ARNT: variants seen among roughly 807,000 people sequenced by gnomAD.
ARNT encodes the protein aryl hydrocarbon receptor nuclear translocator, also known as class E basic helix-loop-helix protein 2.
ARNT carries 30 observed loss-of-function variants against 105.0 expected under a neutral mutation model. The ratio of observed to expected loss-of-function variants is 0.29; its 90% CI spans 0.21 to 0.39. The LOEUF (loss-of-function observed/expected upper bound fraction) is 0.39, where lower values mean the gene tolerates loss of function less well. ARNT is among the 10% of genes least tolerant of loss of function. ARNT has a pLI of 1.00. For synonymous variants in ARNT, 304 were observed against 344.0 expected, an observed-to-expected ratio of 0.88 and a Z score of 1.29; for missense variants, 748 against 978.7, an observed-to-expected ratio of 0.76 and a Z score of 3.15.
At position 150,810,439 on chromosome 1, in the gene ARNT, A is replaced by G. The variant is rs1442463165; in HGVS notation, c.*1582T>C. 2 of 222,636 alleles carry G rather than the reference A, an allele frequency of 9.0e-6. No individual in the cohort carries two copies. Among genetic ancestry groups the G allele is most frequent in the Non-Finnish European group, 1.8e-5 (2 of 111,124 alleles). 13.8% of individuals were successfully genotyped at this position (222,636 alleles called of 1,614,324 possible). On this transcript the variant is annotated 3_prime_UTR_variant, in exon 22 of 22. Coordinates refer to ENST00000358595, the MANE Select transcript of ARNT (RefSeq NM_001668.4). Reference sequence around the variant, plus strand: ...TATACTGTAAGTGTGCACATAGAATAAAAAAATAAACTGTCTCCTTTTTTA... The same window carrying G: ...TATACTGTAAGTGTGCACATAGAATGAAAAAATAAACTGTCTCCTTTTTTA...
At chr1:150,826,476 A>G in intron 13 of ARNT, 67 bp downstream of exon 13, 1 of 1,267,826 alleles carries the variant, frequency 7.9e-7, no homozygotes, top group South Asian at 1.2e-5. Context: ...TCAGTTAATC[A>G]GTAGTCAATA....
At chr1:150,850,384 T>C (rs894623690) in intron 3 of ARNT, among the ~76,000 whole-genome samples, 9 of 152,344 alleles carry the variant, frequency 5.9e-5, no homozygotes, top group Admixed American at 3.9e-4. Context: ...CCTCCCTGCC[T>C]GATTCTCCTG....
intron 5 of ARNT, among the ~76,000 whole-genome samples, chr1:150,841,302 A>G (rs1350698936): frequency 6.6e-6 from 1 of 151,596 alleles, no homozygotes; most frequent in East Asian, 1.9e-4. Context: ...CTACTTGAAC[A>G]AAAGTTCTTT....
intron 3 of ARNT, among the ~76,000 whole-genome samples, chr1:150,851,174 C>A (rs1326746574): frequency 8.6e-5 from 13 of 150,636 alleles, no homozygotes; most frequent in Non-Finnish European, 1.5e-4. Context: ...GCCTGGCCAG[C>A]CACCCCGTCC....
chr1:150,826,973 A>C (rs1485164224), intron 12 of ARNT, among the ~76,000 whole-genome samples: 3 of 151,896 alleles, frequency 2.0e-5, no homozygotes, highest in African/African-American at 7.3e-5. Context: ...TGGTCATCTA[A>C]CTGGCCTGGT....
intron 3 of ARNT, among the ~76,000 whole-genome samples, chr1:150,849,705 G>C (rs964121892): frequency 9.2e-5 from 14 of 152,296 alleles, no homozygotes; most frequent in African/African-American, 3.1e-4. Context: ...CGAGGCTGTA[G>C]TGAGCCGAGA....
At chr1:150,840,697 G>A (rs1301086703) in intron 5 of ARNT, among the ~76,000 whole-genome samples, 1 of 152,156 alleles carries the variant, frequency 6.6e-6, no homozygotes, top group Non-Finnish European at 1.5e-5. Context: ...AGAGGAGGAT[G>A]ATTAAAGGTC....
Position 150,810,811 on chromosome 1 carries a change from A to C in ARNT, c.*1210T>G, listed in dbSNP as rs1654588028. ...TATGATACTTGCACTCTAAAGCAAA[A>C]CCCAATCTCAAGATTGGAGGGAGCA... On this transcript the variant is annotated 3_prime_UTR_variant, in exon 22 of 22. Coordinates refer to ENST00000358595, the MANE Select transcript of ARNT (RefSeq NM_001668.4). 4.5e-6 allele frequency: 1 copy of C among 221,604 alleles called. No individual in the cohort carries two copies. The highest frequency in any genetic ancestry group is 9.1e-6 in the Non-Finnish European group (1 of 110,234). The allele number at this position is 221,604 out of a possible 1,614,324, so 13.7% of individuals were successfully genotyped here. A position where few individuals can be genotyped will look rare whatever the true frequency, so the allele number is the denominator to read the frequency against.
intron 1 of ARNT, among the ~76,000 whole-genome samples, chr1:150,867,040 T>TA (rs1192909788): frequency 1.3e-5 from 2 of 151,410 alleles, no homozygotes; most frequent in African/African-American, 4.9e-5. Context: ...ACCCCATCTC[T>TA]ACTAAAGATA....
rs369904882 is a variant in ARNT, at chr1:150,816,235, G to A, written c.1950+24C>T. 25 of 1,587,722 alleles carry A rather than the reference G, an allele frequency of 1.6e-5. No individual in the cohort carries two copies. The African/African-American group carries it at 3.2e-4, about 20-fold the overall frequency. ...AAACAAACAAAAAATAATACACAGG[G>A]AACACACAGATGATAAGTTTTACCT... On this transcript the variant is annotated intron_variant, in intron 19 of 21. Transcript: ENST00000358595.
rs1557832270 is a variant in ARNT, at chr1:150,809,910, A to AG, written c.*2110dup. 2.2e-5 allele frequency: 5 copies of AG among 223,828 alleles called. No individual in the cohort carries two copies. The highest frequency in any genetic ancestry group is 6.7e-5 in the African/African-American group (3 of 44,844). 13.9% of individuals were successfully genotyped at this position (223,828 alleles called of 1,614,324 possible). A position where few individuals can be genotyped will look rare whatever the true frequency, so the allele number is the denominator to read the frequency against. ...TGTGTCAGGATCAGGAGGACAAGTG[A>AG]GGGGGGAGGCGTGCAATGTGATCAG... On this transcript the variant is annotated 3_prime_UTR_variant, in exon 22 of 22. Transcript: ENST00000358595.
At chr1:150,829,478 C>A (rs1371654214) in intron 11 of ARNT, 2 of 593,748 alleles carry the variant, frequency 3.4e-6, no homozygotes, top group Non-Finnish European at 6.1e-6. Flanking sequence ...AATCTAAAAT[C>A]CACATACTGG....
At chr1:150,844,064 T>C (rs1280958702) in intron 4 of ARNT, among the ~76,000 whole-genome samples, 1 of 152,220 alleles carries the variant, frequency 6.6e-6, no homozygotes, top group African/African-American at 2.4e-5. Context: ...TTTTGAAATT[T>C]CATCAAGATA....
chr1:150,874,356 G>A (rs587733526), intron 1 of ARNT, among the ~76,000 whole-genome samples: 1 of 152,228 alleles, frequency 6.6e-6, no homozygotes, highest in African/African-American at 2.4e-5. Context: ...ACTGAACATG[G>A]GATCAATAAG....
At chr1:150,863,689 C>T (rs987597729) in intron 1 of ARNT, among the ~76,000 whole-genome samples, 3 of 151,598 alleles carry the variant, frequency 2.0e-5, no homozygotes. Flanking sequence ...AATTACCAGG[C>T]GCCTGTAATC....
chr1:150,860,737 T>A (rs1419528904), intron 1 of ARNT, among the ~76,000 whole-genome samples: 2 of 151,428 alleles, frequency 1.3e-5, no homozygotes, highest in African/African-American at 4.9e-5. Flanking sequence ...GCACCTGTAA[T>A]CCCAGCTACT....
chr1:150,815,553 G>GAA (rs1269872697), intron 19 of ARNT, among the ~76,000 whole-genome samples: 2 of 82,706 alleles, frequency 2.4e-5, no homozygotes, highest in Non-Finnish European at 5.0e-5. Context: ...TCTGTCTCAA[G>GAA]AAAAAAAAAA....
At chr1:150,831,084 A>G (rs1659288178) in intron 10 of ARNT, among the ~76,000 whole-genome samples, 1 of 152,202 alleles carries the variant, frequency 6.6e-6, no homozygotes, top group South Asian at 2.1e-4. Context: ...GAGCTTTATA[A>G]AGGTCAAGCA....
intron 1 of ARNT, among the ~76,000 whole-genome samples, chr1:150,875,054 T>C (rs1383232866): frequency 6.6e-6 from 1 of 152,228 alleles, no homozygotes; most frequent in Non-Finnish European, 1.5e-5. Context: ...AGAAATGCTT[T>C]GCAATTTAAC....
Sources: gnomAD v4.1 joint callset for allele counts (sites outside exome capture counted in the v4.1 genomes callset) on GRCh38, gnomAD v4.1.1 for gene constraint, MANE v1.5 for transcripts, NCBI Gene and HGNC (gene_info 2026-07-23, HGNC 2026-07-21) for gene names.